The following ERN1 variants were observed in gnomAD, a reference collection of about 807,000 sequenced individuals.
ERN1 encodes the protein serine/threonine-protein kinase/endoribonuclease IRE1.
ERN1 carries 39 observed loss-of-function variants against 113.1 expected under a neutral mutation model. The ratio of observed to expected loss-of-function variants is 0.34; its 90% CI spans 0.27 to 0.45. ERN1 has a LOEUF of 0.45. Among genes scored for constraint, ERN1 ranks in the 20% least tolerant of loss-of-function variants. ERN1 has a pLI of 1.00. For synonymous variants in ERN1, 507 were observed against 515.9 expected (o/e 0.98, Z 0.23); for missense variants, 976 against 1,274.8 (o/e 0.77, Z 3.57).
At chr17:64,066,510 T>C (rs1913230105) in intron 8 of ERN1, among the ~76,000 whole-genome samples, 161 bp downstream of exon 8, 1 of 152,234 alleles carries the variant, frequency 6.6e-6, no homozygotes, top group Non-Finnish European at 1.5e-5. Flanking sequence ...TCAGCTCTTG[T>C]ATTCTGAGGT....
chr17:64,112,497 G>A (rs755568160), intron 1 of ERN1, among the ~76,000 whole-genome samples: 7 of 152,112 alleles, frequency 4.6e-5, no homozygotes, highest in East Asian at 3.9e-4. Flanking sequence ...ATGATGCTGC[G>A]GCTAAACGAT....
chr17:64,087,928 G>A (rs1050202934), intron 2 of ERN1, among the ~76,000 whole-genome samples: 1 of 152,070 alleles, frequency 6.6e-6, no homozygotes, highest in Non-Finnish European at 1.5e-5. Context: ...AATTCGTGAG[G>A]GCCTGGGGAA....
rs1049974984 is a variant in ERN1, at chr17:64,049,574, G to A, written c.2254-372C>T. ...GTTATATATTCCTTACCCCCAACAC[G>A]AAAGTGCTCACAGACAGGGTCTCTG... On this transcript the variant is annotated intron_variant, in intron 17 of 21. Coordinates refer to ENST00000433197, the MANE Select transcript of ERN1 (RefSeq NM_001433.5). This position sits in a 1 kb window ranked among gnomAD's most constrained non-coding sequence, Gnocchi z 4.7. Among the ~76,000 whole-genome samples, 1 of 152,180 alleles carries A rather than the reference G, an allele frequency of 6.6e-6. No individual in the cohort carries two copies. Among genetic ancestry groups the A allele is most frequent in the African/African-American group, 2.4e-5 (1 of 41,450 alleles).
intron 7 of ERN1, 67 bp downstream of exon 7, chr17:64,068,123 A>G: frequency 2.8e-6 from 3 of 1,074,126 alleles, no homozygotes; most frequent in Non-Finnish European, 4.2e-6. Flanking sequence ...TACTTTCTGG[A>G]GCCACTGTTT....
chr17:64,105,353 TC>T (rs905854466), intron 1 of ERN1, among the ~76,000 whole-genome samples: 42 of 152,178 alleles, frequency 2.8e-4, no homozygotes, highest in African/African-American at 1.0e-3. Context: ...ATGCAATCCT[TC>T]CACCTCAGCC....
At chr17:64,104,144 A>G (rs1188499907) in intron 1 of ERN1, among the ~76,000 whole-genome samples, 1 of 152,214 alleles carries the variant, frequency 6.6e-6, no homozygotes, top group Non-Finnish European at 1.5e-5. Context: ...CAGGAAGCCA[A>G]GGAGGGAGGA....
chr17:64,100,360 A>C (rs778818180), intron 1 of ERN1, among the ~76,000 whole-genome samples: 1 of 152,134 alleles, frequency 6.6e-6, no homozygotes, highest in Non-Finnish European at 1.5e-5. Context: ...TGGGGCCAAG[A>C]AGTGGAAATC....
At chr17:64,072,326 C>T (rs773177273) in intron 5 of ERN1, among the ~76,000 whole-genome samples, 1 of 152,202 alleles carries the variant, frequency 6.6e-6, no homozygotes, top group Non-Finnish European at 1.5e-5. Context: ...CAAATTCCTC[C>T]AAACCCAATA....
intron 15 of ERN1, 39 bp from the exon 16 acceptor site, chr17:64,053,410 C>T (rs1400276547): frequency 1.4e-6 from 2 of 1,447,832 alleles, no homozygotes; most frequent in South Asian, 2.8e-5. Flanking sequence ...GCACACAGTC[C>T]TCAGGACTTG....
chr17:64,063,430 A>G lies in ERN1; in HGVS notation c.1087+556T>C, dbSNP rs1426969176. 6.6e-6 allele frequency among the ~76,000 whole-genome samples: 1 copy of G among 152,120 alleles called. No individual in the cohort carries two copies. Among genetic ancestry groups the G allele is most frequent in the Non-Finnish European group, 1.5e-5 (1 of 68,026 alleles). On this transcript the variant is annotated intron_variant, in intron 10 of 21. Transcript: ENST00000433197. This position sits in a 1 kb window ranked among gnomAD's most constrained non-coding sequence, Gnocchi z 5.1. ...CCTGGCCATTAGTGATGGCAGCAAA[A>G]ACAAGAGAAAGAGGAAAAAAGGGAC... is the stretch of plus-strand genomic sequence containing the variant.
At chr17:64,061,265 G>C (rs146188520) in intron 10 of ERN1, among the ~76,000 whole-genome samples, 5 of 152,340 alleles carry the variant, frequency 3.3e-5, no homozygotes, top group African/African-American at 1.2e-4. Context: ...ACTGGGATTT[G>C]ATAGGGCTTG....
intron 2 of ERN1, among the ~76,000 whole-genome samples, chr17:64,084,664 CTG>C (rs951275110): frequency 2.0e-5 from 3 of 152,218 alleles, no homozygotes; most frequent in African/African-American, 7.2e-5. Context: ...TTAAGCTTCT[CTG>C]TGACTCAAAA....
intron 10 of ERN1, among the ~76,000 whole-genome samples, chr17:64,062,379 T>C (rs761227878): frequency 2.0e-5 from 3 of 152,250 alleles, no homozygotes; most frequent in Non-Finnish European, 2.9e-5. Flanking sequence ...TATCTGGACA[T>C]AGTAGGGCAT....
At chr17:64,116,654 A>AACACACACAC (rs149334208) in intron 1 of ERN1, among the ~76,000 whole-genome samples, 173 of 149,776 alleles carry the variant, frequency 1.2e-3, no homozygotes, top group African/African-American at 4.2e-3. Context: ...AAAAAAAAAT[A>AACACACACAC]ACACACACAC....
intron 1 of ERN1, among the ~76,000 whole-genome samples, chr17:64,126,125 A>T (rs1202993765): frequency 6.6e-6 from 1 of 152,310 alleles, no homozygotes; most frequent in East Asian, 1.9e-4. Flanking sequence ...GTAGTTTATT[A>T]TTCACAAACT....
intron 10 of ERN1, among the ~76,000 whole-genome samples, chr17:64,061,137 G>A (rs960843244): frequency 6.6e-6 from 1 of 152,172 alleles, no homozygotes. Context: ...CTTGCTCCAC[G>A]TTCATTTGCT....
chr17:64,122,914 G>C (rs922730573), intron 1 of ERN1, among the ~76,000 whole-genome samples: 3 of 152,128 alleles, frequency 2.0e-5, no homozygotes, highest in African/African-American at 7.2e-5. Flanking sequence ...CACGCCAAAG[G>C]GTGATTATTT....
intron 1 of ERN1, among the ~76,000 whole-genome samples, chr17:64,119,545 C>G (rs369541540): frequency 6.6e-6 from 1 of 151,702 alleles, no homozygotes; most frequent in Non-Finnish European, 1.5e-5. Flanking sequence ...CGCGCCACCA[C>G]GCCTGGCTAA....
rs149364516 is a variant in ERN1, at chr17:64,112,456, G to T, written c.55-14215C>A. 2.8e-4 allele frequency among the ~76,000 whole-genome samples: 42 copies of T among 152,210 alleles called. No homozygotes were observed. In the East Asian group the frequency reaches 7.9e-3, roughly 29 times the overall value. On this transcript the variant is annotated intron_variant, in intron 1 of 21. Coordinates refer to ENST00000433197, the MANE Select transcript of ERN1 (RefSeq NM_001433.5). ...AACATTACTATATTTTAAGTTATGGGATTGTATTTCCATCATTTGGAAACT... is the reference window on the plus strand; with the variant it reads ...AACATTACTATATTTTAAGTTATGGTATTGTATTTCCATCATTTGGAAACT...
Sources: allele counts gnomAD v4.1 joint callset (sites outside exome capture counted in the v4.1 genomes callset), GRCh38; gene constraint gnomAD v4.1.1; non-coding constraint Gnocchi (gnomAD v3.1); transcripts MANE v1.5; gene names NCBI Gene and HGNC (gene_info 2026-07-23, HGNC 2026-07-21).